TJP1: variants seen among roughly 807,000 people sequenced by gnomAD.
TJP1 encodes tight junction protein ZO-1.
In TJP1, 43 loss-of-function variants were observed where a neutral mutation model predicts 194.2. The observed-to-expected ratio is 0.22, with a 90% confidence interval of 0.17 to 0.29. TJP1 has a LOEUF of 0.29. Ranked by LOEUF, TJP1 falls within the 10% of genes least tolerant of loss-of-function variation. TJP1 has a pLI of 1.00. For synonymous variants in TJP1, 801 were observed against 779.0 expected, an observed-to-expected ratio of 1.03 and a Z score of -0.47; for missense variants, 1,971 against 2,185.7, an observed-to-expected ratio of 0.90 and a Z score of 1.96.
At position 29,796,908 on chromosome 15, in the gene TJP1, A is replaced by G. The variant is rs190248244; in HGVS notation, c.84+3738T>C. The stretch of plus-strand genomic sequence containing the variant: ...AAGCGAGAAAGGCAATTAAACGGAC[A>G]AAGTATAATCTTTCAAACAAAATGC... On this transcript the variant is annotated intron_variant, in intron 2 of 27. Coordinates refer to ENST00000614355, the MANE Select transcript of TJP1 (RefSeq NM_001330239.4). Among the ~76,000 whole-genome samples, 540 of 152,300 alleles carry G rather than the reference A, an allele frequency of 3.5e-3. 2 individuals carry two copies. The highest frequency in any genetic ancestry group is 5.6e-3 in the Non-Finnish European group (380 of 68,022).
chr15:29,703,656 T>A (rs985810027), intron 27 of TJP1, among the ~76,000 whole-genome samples: 5 of 151,686 alleles, frequency 3.3e-5, no homozygotes, highest in South Asian at 2.1e-4. Context: ...CAAAAAAAAA[T>A]TTTTTTGAGA....
chr15:29,838,193 G>C (rs1180222695), intron 2 of TJP1, among the ~76,000 whole-genome samples: 1 of 152,342 alleles, frequency 6.6e-6, no homozygotes, highest in South Asian at 2.1e-4. Context: ...GGGAGGCTGA[G>C]GCAGGTGGAT....
rs117697800 is a variant in TJP1 at position 29,797,564 on chromosome 15, T to C, written c.84+3082A>G. ...TTACAAAATAATACCTGATAAAGAA[T>C]CTGTATCCTGAATACGTTAAAAAAA... On this transcript the variant is annotated intron_variant, in intron 2 of 27. Coordinates refer to ENST00000614355, the MANE Select transcript of TJP1 (RefSeq NM_001330239.4). Among the ~76,000 whole-genome samples, 744 of 144,528 alleles carry C rather than the reference T, an allele frequency of 5.1e-3. 30 individuals carry two copies. In the East Asian group the frequency reaches 0.098, roughly 19 times the overall value. 94.8% of individuals were successfully genotyped at this position (144,528 alleles called of 152,430 possible).
intron 2 of TJP1, among the ~76,000 whole-genome samples, chr15:29,840,332 T>C (rs1316304638): frequency 6.6e-6 from 1 of 152,182 alleles, no homozygotes; most frequent in Non-Finnish European, 1.5e-5. Flanking sequence ...TCCTCTCTCT[T>C]ATGAATTTTC....
At chr15:29,958,737 C>T (rs1164135021) in intron 1 of TJP1, among the ~76,000 whole-genome samples, 9 of 150,832 alleles carry the variant, frequency 6.0e-5, no homozygotes, top group Non-Finnish European at 1.3e-4. Context: ...TCCTCCTAAA[C>T]AAGAAGTGGC....
At chr15:29,810,345 G>C (rs1364221891) in intron 1 of TJP1, among the ~76,000 whole-genome samples, 1 of 152,270 alleles carries the variant, frequency 6.6e-6, no homozygotes, top group East Asian at 1.9e-4. Context: ...CCACTTAAAA[G>C]AAGGTAACTT....
chr15:29,747,641 G>A (rs184490265), intron 8 of TJP1, among the ~76,000 whole-genome samples: 1 of 152,138 alleles, frequency 6.6e-6, no homozygotes. Context: ...GAAAAGGTAA[G>A]AATTCCAATT....
chr15:29,845,918 A>G (rs1278097213), intron 2 of TJP1, among the ~76,000 whole-genome samples: 2 of 152,174 alleles, frequency 1.3e-5, no homozygotes, highest in Non-Finnish European at 2.9e-5. Context: ...GGAGGTCAAC[A>G]TTCACATGGA....
At position 29,883,724 on chromosome 15, in the gene TJP1, CAGAAA is replaced by C. The variant is rs994432143; in HGVS notation, c.306+72503_306+72507del. Among the ~76,000 whole-genome samples the C allele has an allele frequency of 2.6e-4, 40 of 151,790 alleles. 3 individuals carry two copies. Among genetic ancestry groups the C allele is most frequent in the Admixed American group, 2.5e-3 (38 of 15,248 alleles). On this transcript the variant is annotated intron_variant, in intron 2 of 28. Coordinates refer to the TJP1 transcript ENST00000356107. ...GCTTTAATTGTGAGGTTATGGCTTTCAGAAAAGAAAAGAAAAGAAAATGCCTGTAG... is the reference window on the plus strand; with the variant it reads ...GCTTTAATTGTGAGGTTATGGCTTTCAGAAAAGAAAAGAAAATGCCTGTAG...
At chr15:29,966,091 T>C (rs1218675096) in intron 1 of TJP1, among the ~76,000 whole-genome samples, 1 of 152,230 alleles carries the variant, frequency 6.6e-6, no homozygotes, top group Non-Finnish European at 1.5e-5. Flanking sequence ...TTAGAGAATG[T>C]GTTTTCAGAA....
intron 1 of TJP1, among the ~76,000 whole-genome samples, chr15:29,806,587 A>G (rs764428437): frequency 4.6e-5 from 7 of 152,150 alleles, no homozygotes; most frequent in Admixed American, 2.6e-4. Context: ...TCTGAACTCC[A>G]AAGTGTTTCT....
At chr15:29,699,814 T>C (rs1248400720), downstream of TJP1, 1 of 155,312 alleles carries the variant, frequency 6.4e-6, no homozygotes, top group Admixed American at 6.5e-5. Context: ...TAAAACCATA[T>C]ACAAATGGTT....
chr15:29,822,736 C>G (rs1217014901), upstream of TJP1: 1 of 153,254 alleles, frequency 6.5e-6, no homozygotes, highest in Non-Finnish European at 1.4e-5. Context: ...CGCCTGTGCA[C>G]CAAAGCTTTC....
At chr15:29,956,437 T>A in intron 1 of TJP1, 1 of 1,218,522 alleles carries the variant, frequency 8.2e-7, no homozygotes. Context: ...GAGGTAAGCA[T>A]TTACTCAAAG....
rs1384136292 is a variant in TJP1 at position 29,775,164 on chromosome 15, T to C, written c.85-1807A>G. Among the ~76,000 whole-genome samples, 4 of 152,152 alleles carry C rather than the reference T, an allele frequency of 2.6e-5. No homozygotes were observed. The East Asian group carries it at 7.7e-4, about 29-fold the overall frequency. On this transcript the variant is annotated intron_variant, in intron 2 of 27. Transcript: ENST00000614355. ...TACTCAGTAGCTGTCAGTTATGAGA[T>C]CAACTGTGGAGAGGTAACACAATGC...
intron 8 of TJP1, among the ~76,000 whole-genome samples, chr15:29,754,029 T>C (rs935026385): frequency 2.6e-5 from 4 of 152,158 alleles, no homozygotes; most frequent in Non-Finnish European, 5.9e-5. Flanking sequence ...CCAATCAGGG[T>C]ATATACCCAA....
intron 2 of TJP1, among the ~76,000 whole-genome samples, chr15:29,896,288 T>G (rs150040324): frequency 0.015 from 2,213 of 152,234 alleles, 52 homozygotes; most frequent in African/African-American, 0.051. Context: ...TCTCATGAGA[T>G]CTGATGGTTT....
chr15:29,786,168 T>C (rs1351862721), intron 2 of TJP1, among the ~76,000 whole-genome samples: 1 of 152,230 alleles, frequency 6.6e-6, no homozygotes, highest in African/African-American at 2.4e-5. Flanking sequence ...TTTTTAACAG[T>C]TATGTCCCTT....
chr15:29,841,560 C>G (rs189891372), intron 2 of TJP1, among the ~76,000 whole-genome samples: 8 of 152,098 alleles, frequency 5.3e-5, no homozygotes, highest in African/African-American at 1.9e-4. Flanking sequence ...TTTCTCTGCC[C>G]TCAATTAGTC....
Sources: gnomAD v4.1 joint callset for allele counts (sites outside exome capture counted in the v4.1 genomes callset) on GRCh38, gnomAD v4.1.1 for gene constraint, MANE v1.5 for transcripts, NCBI Gene and HGNC (gene_info 2026-07-23, HGNC 2026-07-21) for gene names.